Variants in MSI2 observed in about 807,000 individuals in gnomAD.
MSI2 encodes the protein musashi RNA binding protein 2.
A neutral mutation model predicts 45.6 loss-of-function variants in MSI2; 17 were observed. The ratio of observed to expected loss-of-function variants is 0.37; its 90% CI spans 0.26 to 0.56. The LOEUF (loss-of-function observed/expected upper bound fraction) is 0.56, where lower values mean the gene tolerates loss of function less well. Among genes scored for constraint, MSI2 ranks in the 20% least tolerant of loss-of-function variants. The probability of loss-of-function intolerance (pLI) is 0.77; values close to 1 mark genes in which losing one functional copy is unlikely to be tolerated. For synonymous variants in MSI2, 156 were observed against 158.2 expected (o/e 0.99, Z 0.11); for missense variants, 293 against 444.2 (o/e 0.66, Z 3.06).
At chr17:57,591,629 A>C (rs916231525) in intron 7 of MSI2, among the ~76,000 whole-genome samples, 2 of 151,640 alleles carry the variant, frequency 1.3e-5, no homozygotes, top group African/African-American at 4.9e-5. Context: ...TGACAGCCTG[A>C]GATAAGAGGA....
chr17:57,618,819 G>A (rs1427351638), intron 9 of MSI2, among the ~76,000 whole-genome samples: 4 of 152,190 alleles, frequency 2.6e-5, no homozygotes, highest in African/African-American at 9.6e-5. Flanking sequence ...TGGGATTACA[G>A]GCGTGAGCCA....
intron 7 of MSI2, among the ~76,000 whole-genome samples, chr17:57,582,421 ATAAT>A (rs905351221): frequency 1.2e-4 from 18 of 152,270 alleles, no homozygotes; most frequent in East Asian, 7.7e-4. Context: ...TTATTTATTA[ATAAT>A]TAAAGTAATA....
rs375091828 is a variant in MSI2 at position 57,684,248 on chromosome 17, C to T, written c.*4731C>T. On this transcript the variant is annotated 3_prime_UTR_variant, in exon 14 of 14. Coordinates refer to ENST00000284073, the MANE Select transcript of MSI2 (RefSeq NM_138962.4). The stretch of plus-strand genomic sequence containing the variant: ...AAGTAGCGTGGGCTAGCCAATCTGC[C>T]GTTCATGGTGTATTGTAAACTCCGA... 211 of 205,214 alleles carry T rather than the reference C, an allele frequency of 1.0e-3. 1 individual carries two copies. The highest frequency in any genetic ancestry group is 4.8e-3 in the Middle Eastern group (3 of 626). 12.7% of individuals were successfully genotyped at this position (205,214 alleles called of 1,614,324 possible). A position where few individuals can be genotyped will look rare whatever the true frequency, so the allele number is the denominator to read the frequency against.
At chr17:57,473,565 A>G (rs2085481090) in intron 6 of MSI2, among the ~76,000 whole-genome samples, 1 of 152,284 alleles carries the variant, frequency 6.6e-6, no homozygotes, top group Non-Finnish European at 1.5e-5. Flanking sequence ...ACCAAATTGG[A>G]CAGAGAAACT....
intron 5 of MSI2, among the ~76,000 whole-genome samples, chr17:57,289,796 C>T (rs933036896): frequency 9.2e-5 from 14 of 152,348 alleles, no homozygotes; most frequent in East Asian, 1.9e-4. Context: ...GAGTGCTGCC[C>T]GGCAGCCCGG....
chr17:57,460,338 G>A (rs1182121609), intron 6 of MSI2, among the ~76,000 whole-genome samples: 1 of 151,530 alleles, frequency 6.6e-6, no homozygotes, highest in Non-Finnish European at 1.5e-5. Flanking sequence ...AGGAAAGAAG[G>A]CAGGAAGTTA....
At chr17:57,564,428 G>T (rs560744576) in intron 7 of MSI2, among the ~76,000 whole-genome samples, 1 of 152,312 alleles carries the variant, frequency 6.6e-6, no homozygotes, top group African/African-American at 2.4e-5. Flanking sequence ...GGGAAGCTCT[G>T]ATGTTTCTGG....
chr17:57,305,528 A>G (rs56974307), intron 5 of MSI2, among the ~76,000 whole-genome samples: 4,138 of 152,278 alleles, frequency 0.027, 181 homozygotes, highest in African/African-American at 0.093. Flanking sequence ...AATGTAGTCA[A>G]AACACACGCT....
chr17:57,557,205 C>T (rs72833088), intron 7 of MSI2, among the ~76,000 whole-genome samples: 14,058 of 152,188 alleles, frequency 0.092, 808 homozygotes, highest in Non-Finnish European at 0.13. Context: ...AGGGGCAGGC[C>T]GCCTGCATGA....
At chr17:57,595,682 A>C (rs1299142423) in intron 7 of MSI2, among the ~76,000 whole-genome samples, 2 of 151,808 alleles carry the variant, frequency 1.3e-5, no homozygotes, top group Non-Finnish European at 2.9e-5. Context: ...CTGAACTCTT[A>C]ATACCATCAC....
At chr17:57,672,328 C>T (rs1567970367) in intron 11 of MSI2, among the ~76,000 whole-genome samples, 1 of 152,148 alleles carries the variant, frequency 6.6e-6, no homozygotes, top group African/African-American at 2.4e-5. Flanking sequence ...CCCTTCAGGC[C>T]GACTCAGAAA....
intron 4 of MSI2, among the ~76,000 whole-genome samples, chr17:57,258,724 G>C (rs1317906030): frequency 6.6e-6 from 1 of 152,214 alleles, no homozygotes; most frequent in African/African-American, 2.4e-5. Flanking sequence ...GATCAGCTTT[G>C]AGAAGGCACA....
Position 57,525,286 on chromosome 17 carries a change from G to C in MSI2, c.406-4390G>C, listed in dbSNP as rs186958768. On this transcript the variant is annotated intron_variant, in intron 6 of 13. Coordinates refer to ENST00000284073, the MANE Select transcript of MSI2 (RefSeq NM_138962.4). ...CTTTGCTTTTTTGGGGGGGGCAGGT[G>C]GGGGAGGTTGTGTTTTGAGACAGGG... Among the ~76,000 whole-genome samples, 108 of 150,164 alleles carry C rather than the reference G, an allele frequency of 7.2e-4. 1 individual carries two copies. The East Asian group carries it at 0.02, about 27-fold the overall frequency.
At chr17:57,333,332 C>T (rs908743358) in intron 5 of MSI2, among the ~76,000 whole-genome samples, 7 of 152,134 alleles carry the variant, frequency 4.6e-5, no homozygotes, top group African/African-American at 1.7e-4. Flanking sequence ...TGGAAAGTTC[C>T]CAGTGGCATT....
At chr17:57,639,494 G>A (rs1910086056) in intron 10 of MSI2, among the ~76,000 whole-genome samples, 1 of 152,240 alleles carries the variant, frequency 6.6e-6, no homozygotes, top group African/African-American at 2.4e-5. Flanking sequence ...AGCCGGGGAT[G>A]CTGACCCCAC....
chr17:57,527,057 C>T (rs748764752), intron 6 of MSI2, among the ~76,000 whole-genome samples: 4 of 152,108 alleles, frequency 2.6e-5, no homozygotes, highest in Non-Finnish European at 4.4e-5. Context: ...TTTGAAAATA[C>T]GTTTTAAAAA....
intron 6 of MSI2, among the ~76,000 whole-genome samples, chr17:57,491,079 C>T (rs1471579610): frequency 6.6e-6 from 1 of 152,214 alleles, no homozygotes; most frequent in African/African-American, 2.4e-5. Flanking sequence ...TCACAGCTTG[C>T]AGGTGTCCTG....
In MSI2 at chr17:57,256,766, C is replaced by A; in HGVS notation, c.24C>A (p.Gly8=). The change falls in exon 1 of 14, where the codon GGC becomes GGA. Residue 8 remains glycine (G), a synonymous_variant. Coordinates refer to ENST00000284073, the MANE Select transcript of MSI2 (RefSeq NM_138962.4). ...ATATGGAGGCAAATGGGAGCCAAGGCACCTCGGGCAGCGCCAACGACTCCC... is the reference window on the plus strand; with the variant it reads ...ATATGGAGGCAAATGGGAGCCAAGGAACCTCGGGCAGCGCCAACGACTCCC... The part of the protein sequence containing the change: MEANGSQ[G]TSGSANDSQH... 1 of 1,475,350 alleles carries A rather than the reference C, an allele frequency of 6.8e-7. No homozygotes were observed. The highest frequency in any genetic ancestry group is 9.0e-7 in the Non-Finnish European group (1 of 1,114,794). The allele number at this position is 1,475,350 out of a possible 1,614,324, so 91.4% of individuals were successfully genotyped here. A position where few individuals can be genotyped will look rare whatever the true frequency, so the allele number is the denominator to read the frequency against.
Position 57,581,004 on chromosome 17 carries a change from C to CTTTTTTTTTTTTTTTTTTTTTTTTTT in MSI2, c.455-15863_455-15838dup, listed in dbSNP as rs3059122. Among the ~76,000 whole-genome samples, 5 of 66,502 alleles carry CTTTTTTTTTTTTTTTTTTTTTTTTTT rather than the reference C, an allele frequency of 7.5e-5. 1 individual carries two copies. Among genetic ancestry groups the CTTTTTTTTTTTTTTTTTTTTTTTTTT allele is most frequent in the Non-Finnish European group, 1.1e-4 (4 of 37,200 alleles). The allele number at this position is 66,502 out of a possible 152,430, so 43.6% of individuals were successfully genotyped here. A position where few individuals can be genotyped will look rare whatever the true frequency, so the allele number is the denominator to read the frequency against. ...CATGCCAGCCCCATGAGGTCAGCATCTTTTTTTTTTTTTTTTTTTTTTTTT... is the reference window on the plus strand; with the variant it reads ...CATGCCAGCCCCATGAGGTCAGCATCTTTTTTTTTTTTTTTTTTTTTTTTTTTTTTTTTTTTTTTTTTTTTTTTTTT... On this transcript the variant is annotated intron_variant, in intron 7 of 13. Coordinates refer to ENST00000284073, the MANE Select transcript of MSI2 (RefSeq NM_138962.4).
Sources: gnomAD v4.1 joint callset for allele counts (sites outside exome capture counted in the v4.1 genomes callset) on GRCh38, gnomAD v4.1.1 for gene constraint, MANE v1.5 for transcripts, NCBI Gene and HGNC (gene_info 2026-07-23, HGNC 2026-07-21) for gene names.